LDB2: variants seen among roughly 807,000 people sequenced by gnomAD.
LDB2 encodes the protein LIM domain binding 2.
A neutral mutation model predicts 44.3 loss-of-function variants in LDB2; 12 were observed. That is an observed-to-expected ratio of 0.27 (90% CI 0.17 to 0.44). The LOEUF is 0.44. Ranked by LOEUF, LDB2 falls within the 20% of genes least tolerant of loss-of-function variation. The probability of loss-of-function intolerance (pLI) is 1.00; values close to 1 mark genes in which losing one functional copy is unlikely to be tolerated. For synonymous variants in LDB2, 164 were observed against 174.8 expected (o/e 0.94, Z 0.49); for missense variants, 344 against 473.5 (o/e 0.73, Z 2.54).
intron 1 of LDB2, among the ~76,000 whole-genome samples, chr4:16,865,075 A>G (rs1714219195): frequency 6.6e-6 from 1 of 151,670 alleles, no homozygotes; most frequent in African/African-American, 2.4e-5. Context: ...ACATGGTGAA[A>G]CCCCGTCTCG....
intron 1 of LDB2, among the ~76,000 whole-genome samples, chr4:16,898,051 C>A (rs1037606557): frequency 6.0e-5 from 9 of 150,498 alleles, no homozygotes; most frequent in Middle Eastern, 3.6e-3. Context: ...GAAACACCAA[C>A]AGGACTGACT....
chr4:16,820,667 C>T (rs1321228970), intron 1 of LDB2, among the ~76,000 whole-genome samples: 1 of 152,102 alleles, frequency 6.6e-6, no homozygotes. Flanking sequence ...GTGTACCACG[C>T]TTTCTCTTCA....
chr4:16,898,188 G>C (rs1021863552), intron 1 of LDB2, among the ~76,000 whole-genome samples, 166 bp downstream of exon 1: 1 of 151,786 alleles, frequency 6.6e-6, no homozygotes, highest in Non-Finnish European at 1.5e-5. Context: ...TGCTGTGCCT[G>C]GAAACCCAGC....
chr4:16,668,061 T>C (rs551145098), intron 2 of LDB2, among the ~76,000 whole-genome samples: 2 of 152,086 alleles, frequency 1.3e-5, no homozygotes, highest in Non-Finnish European at 2.9e-5. Context: ...AAAAATGAAA[T>C]GCACAATTTA....
At chr4:16,641,044 A>G (rs1047702475) in intron 2 of LDB2, among the ~76,000 whole-genome samples, 16 of 152,210 alleles carry the variant, frequency 1.1e-4, no homozygotes, top group African/African-American at 3.9e-4. Context: ...TGAAAACTAT[A>G]AGGAAAAAAA....
At chr4:16,701,509 A>T (rs1233284746) in intron 2 of LDB2, among the ~76,000 whole-genome samples, 1 of 152,256 alleles carries the variant, frequency 6.6e-6, no homozygotes, top group Non-Finnish European at 1.5e-5. Flanking sequence ...ATTAGGCACA[A>T]GGCTAAGCAT....
chr4:16,572,996 A>T (rs1021923447), intron 5 of LDB2, among the ~76,000 whole-genome samples: 4 of 152,176 alleles, frequency 2.6e-5, no homozygotes, highest in Non-Finnish European at 5.9e-5. Context: ...ACCTTCTCTA[A>T]AGCACTGTCT....
intron 1 of LDB2, among the ~76,000 whole-genome samples, chr4:16,820,040 A>G (rs1209072889): frequency 2.6e-5 from 4 of 152,216 alleles, no homozygotes; most frequent in Non-Finnish European, 4.4e-5. Flanking sequence ...GTGCAGAAGT[A>G]CTTTATGCTG....
At chr4:16,861,090 T>G (rs1712393606) in intron 1 of LDB2, among the ~76,000 whole-genome samples, 1 of 152,180 alleles carries the variant, frequency 6.6e-6, no homozygotes, top group Non-Finnish European at 1.5e-5. Flanking sequence ...GAAGAACATA[T>G]ATATCAAATA....
chr4:16,878,032 A>C (rs1364696897), intron 1 of LDB2, among the ~76,000 whole-genome samples: 1 of 152,242 alleles, frequency 6.6e-6, no homozygotes, highest in Non-Finnish European at 1.5e-5. Flanking sequence ...AAATCAATCT[A>C]TGATTTAAAA....
In LDB2 at chr4:16,525,636, C is replaced by T. The variant is rs569113074; in HGVS notation, c.616-13532G>A. On this transcript the variant is annotated intron_variant, in intron 5 of 7. Transcript: ENST00000304523. ...ACGTGCTCTTTATTTGTTCTAGGTG[C>T]TGGGGGTGCTATAAGCAGGAAAAAA... is the stretch of plus-strand genomic sequence containing the variant. Among the ~76,000 whole-genome samples the T allele has an allele frequency of 1.5e-4, 23 of 152,258 alleles. No homozygotes were observed. In the South Asian group the frequency reaches 4.6e-3, roughly 30 times the overall value.
chr4:16,750,289 G>A (rs748106039), intron 2 of LDB2, among the ~76,000 whole-genome samples: 13 of 152,140 alleles, frequency 8.5e-5, no homozygotes, highest in Non-Finnish European at 1.9e-4. Flanking sequence ...AGAGTTCATC[G>A]TGTATGGGTC....
chr4:16,782,043 G>T (rs1421772560), intron 1 of LDB2, among the ~76,000 whole-genome samples: 4 of 152,214 alleles, frequency 2.6e-5, no homozygotes, highest in Non-Finnish European at 5.9e-5. Flanking sequence ...AGCCACCAGT[G>T]TGTGGTGACT....
intron 3 of LDB2, among the ~76,000 whole-genome samples, chr4:16,592,138 C>T (rs770712016): frequency 1.2e-4 from 18 of 152,134 alleles, no homozygotes; most frequent in Non-Finnish European, 2.2e-4. Context: ...CAGCCGATCA[C>T]GTGCTAGCTT....
chr4:16,651,586 CT>C (rs33919070), intron 2 of LDB2, among the ~76,000 whole-genome samples: 3,325 of 148,940 alleles, frequency 0.022, 49 homozygotes, highest in South Asian at 0.04. Context: ...TGATTTTCAT[CT>C]TTTTTTTTTA....
At chr4:16,627,625 G>A (rs1253462679) in intron 2 of LDB2, among the ~76,000 whole-genome samples, 1 of 152,154 alleles carries the variant, frequency 6.6e-6, no homozygotes, top group Non-Finnish European at 1.5e-5. Flanking sequence ...CAGACACTAA[G>A]TGACAAAGAG....
chr4:16,531,263 C>A (rs1730049879), intron 5 of LDB2, among the ~76,000 whole-genome samples: 2 of 152,202 alleles, frequency 1.3e-5, no homozygotes, highest in South Asian at 4.1e-4. Flanking sequence ...AGCATGTTGC[C>A]AAGTCCTCTT....
intron 5 of LDB2, among the ~76,000 whole-genome samples, chr4:16,566,878 A>C (rs1236117501): frequency 3.3e-5 from 5 of 152,210 alleles, no homozygotes; most frequent in Admixed American, 6.5e-5. Context: ...GTGGCTCTTA[A>C]GTATATGAGA....
intron 2 of LDB2, among the ~76,000 whole-genome samples, chr4:16,723,613 C>T (rs887145417): frequency 1.3e-5 from 2 of 152,136 alleles, no homozygotes; most frequent in Non-Finnish European, 2.9e-5. Context: ...CTTATACCTC[C>T]AAACTGTCTT....
Sources: gnomAD v4.1 joint callset for allele counts (sites outside exome capture counted in the v4.1 genomes callset) on GRCh38, gnomAD v4.1.1 for gene constraint, MANE v1.5 for transcripts, NCBI Gene and HGNC (gene_info 2026-07-23, HGNC 2026-07-21) for gene names.